The following KIAA0040 variants were observed in gnomAD, a reference collection of about 807,000 sequenced individuals.
The protein encoded by KIAA0040 is KIAA0040.
In KIAA0040, 10 loss-of-function variants were observed where a neutral mutation model predicts 7.2. The observed-to-expected ratio is 1.38, with a 90% CI of 0.85 to 2.34. KIAA0040 has a LOEUF of 2.34. KIAA0040 is among the 30% of genes most tolerant of loss of function. KIAA0040 has a pLI of 0.00. For missense variants in KIAA0040, 89 were observed against 108.2 expected (o/e 0.82, Z 0.79); for synonymous variants, 49 against 40.1 (o/e 1.22, Z -0.84).
At chr1:175,177,266 T>G (rs1013220832) in intron 2 of KIAA0040, among the ~76,000 whole-genome samples, 1 of 151,988 alleles carries the variant, frequency 6.6e-6, no homozygotes, top group Non-Finnish European at 1.5e-5. Flanking sequence ...AGTATCAGGG[T>G]CTTGAAGAAA....
At chr1:175,186,023 G>A (rs979782424) in intron 1 of KIAA0040, among the ~76,000 whole-genome samples, 1 of 152,176 alleles carries the variant, frequency 6.6e-6, no homozygotes, top group African/African-American at 2.4e-5. Context: ...TGGTTGCTGG[G>A]GACCGGGAAG....
chr1:175,162,049 G>T (rs1676563272), intron 3 of KIAA0040, among the ~76,000 whole-genome samples: 1 of 152,082 alleles, frequency 6.6e-6, no homozygotes, highest in Admixed American at 6.5e-5. Flanking sequence ...TACAGCTGGG[G>T]CCATTCTCCT....
At chr1:175,170,457 A>G (rs993346199) in intron 2 of KIAA0040, among the ~76,000 whole-genome samples, 1 of 151,986 alleles carries the variant, frequency 6.6e-6, no homozygotes, top group African/African-American at 2.4e-5. Context: ...GTATGATCAC[A>G]CCTCCTTAGC....
intron 1 of KIAA0040, among the ~76,000 whole-genome samples, chr1:175,187,935 A>G (rs530970189): frequency 2.2e-4 from 34 of 152,318 alleles, no homozygotes; most frequent in African/African-American, 7.9e-4. Flanking sequence ...TTTTCTGAAG[A>G]CTATCCAGCT....
At chr1:175,183,373 T>A (rs1677519355) in intron 1 of KIAA0040, among the ~76,000 whole-genome samples, 1 of 152,190 alleles carries the variant, frequency 6.6e-6, no homozygotes, top group Non-Finnish European at 1.5e-5. Context: ...GTGAAGAGTA[T>A]CTCTGTGAGG....
At position 175,160,788 on chromosome 1, in the gene KIAA0040, C is replaced by CCTTCTTCTTCTT. The variant is rs150137790; in HGVS notation, c.214_225dup (p.Lys72_Lys75dup). ...GCAGAGATCCAGAGGTCTTCTTCAT[C>CCTTCTTCTTCTT]CTTCTTCTTCTTCTTCTTCTTCTTC... is the stretch of plus-strand genomic sequence containing the variant. On this transcript the variant is annotated inframe_insertion, in exon 4 of 4. Coordinates refer to ENST00000423313, the MANE Select transcript of KIAA0040 (RefSeq NM_014656.3). 95 of 1,429,914 alleles carry CCTTCTTCTTCTT rather than the reference C, an allele frequency of 6.6e-5. No individual in the cohort carries two copies. The African/African-American group carries it at 1.7e-3, about 26-fold the overall frequency. The allele number at this position is 1,429,914 out of a possible 1,614,324, so 88.6% of individuals were successfully genotyped here. A position where few individuals can be genotyped will look rare whatever the true frequency, so the allele number is the denominator to read the frequency against.
In KIAA0040 at chr1:175,159,626, C is replaced by G. The variant is rs1269351127; in HGVS notation, c.*1088G>C. 6.6e-6 allele frequency: 1 copy of G among 152,258 alleles called. No individual in the cohort carries two copies. The highest frequency in any genetic ancestry group is 6.5e-5 in the Admixed American group (1 of 15,286). The allele number at this position is 152,258 out of a possible 1,614,324, so 9.4% of individuals were successfully genotyped here. On this transcript the variant is annotated 3_prime_UTR_variant, in exon 4 of 4. Coordinates refer to ENST00000423313, the MANE Select transcript of KIAA0040 (RefSeq NM_014656.3). The stretch of plus-strand genomic sequence containing the variant: ...ACATCACAACCTTATGACATCACTT[C>G]CAGTGTTGCCTTCTGTGAGACTGCA...
chr1:175,172,053 A>C (rs1421933668), intron 2 of KIAA0040, among the ~76,000 whole-genome samples: 1 of 152,168 alleles, frequency 6.6e-6, no homozygotes, highest in Admixed American at 6.5e-5. Context: ...GAAGGTCTGG[A>C]ATCTCCAGTT....
chr1:175,174,892 T>C (rs1007879499), intron 2 of KIAA0040, among the ~76,000 whole-genome samples: 6 of 152,180 alleles, frequency 3.9e-5, no homozygotes, highest in African/African-American at 1.4e-4. Context: ...TACAGTGAAC[T>C]ATCTTGGTTA....
upstream of KIAA0040, chr1:175,192,894 T>G (rs976527993): frequency 6.7e-6 from 1 of 148,260 alleles, no homozygotes; most frequent in Admixed American, 6.7e-5. Context: ...CCCTCTGTGT[T>G]CCCTGCCTTC....
chr1:175,168,005 C>T (rs1428748450), intron 2 of KIAA0040, among the ~76,000 whole-genome samples: 3 of 152,236 alleles, frequency 2.0e-5, no homozygotes, highest in African/African-American at 7.2e-5. Context: ...CCCTGCCTGT[C>T]CAAACCTTGC....
chr1:175,181,583 T>C (rs115159646), intron 1 of KIAA0040, among the ~76,000 whole-genome samples: 2,289 of 152,336 alleles, frequency 0.015, 29 homozygotes, highest in Non-Finnish European at 0.024. Flanking sequence ...ATAGACACTT[T>C]AGGAATAAAG....
intron 2 of KIAA0040, among the ~76,000 whole-genome samples, chr1:175,170,408 G>A (rs1016076095): frequency 2.0e-5 from 3 of 152,028 alleles, no homozygotes; most frequent in Admixed American, 6.5e-5. Context: ...AATGTAACGC[G>A]CACTCCCTGC....
At chr1:175,187,916 C>G (rs1677725883) in intron 1 of KIAA0040, among the ~76,000 whole-genome samples, 1 of 152,070 alleles carries the variant, frequency 6.6e-6, no homozygotes, top group Non-Finnish European at 1.5e-5. Flanking sequence ...AAAAAAAATG[C>G]TGATGGGCTT....
At chr1:175,163,444 C>T (rs918764361) in intron 3 of KIAA0040, among the ~76,000 whole-genome samples, 20 of 152,234 alleles carry the variant, frequency 1.3e-4, no homozygotes, top group African/African-American at 4.8e-4. Context: ...GTCCTCTCAT[C>T]CAAGGCTCTG....
intron 2 of KIAA0040, among the ~76,000 whole-genome samples, chr1:175,174,681 T>G (rs1364468673): frequency 4.6e-5 from 7 of 152,180 alleles, no homozygotes; most frequent in African/African-American, 1.7e-4. Context: ...GATGCAGTCC[T>G]CCACCCTCCT....
At chr1:175,190,054 A>G (rs1480361607) in intron 1 of KIAA0040, among the ~76,000 whole-genome samples, 1 of 152,116 alleles carries the variant, frequency 6.6e-6, no homozygotes, top group East Asian at 1.9e-4. Context: ...TGAAGTCAGG[A>G]CTCTCCCACA....
chr1:175,164,955 T>C (rs1296703699), intron 3 of KIAA0040, among the ~76,000 whole-genome samples: 2 of 152,230 alleles, frequency 1.3e-5, no homozygotes, highest in African/African-American at 4.8e-5. Context: ...TGAATAGCAC[T>C]GACAATGCTT....
In KIAA0040 at chr1:175,157,403, G is replaced by A. The variant is rs896930812; in HGVS notation, c.*3311C>T. The A allele has an allele frequency of 2.0e-5, 3 of 152,222 alleles. No homozygotes were observed. Among genetic ancestry groups the A allele is most frequent in the East Asian group, 1.9e-4 (1 of 5,198 alleles). The allele number at this position is 152,222 out of a possible 1,614,324, so 9.4% of individuals were successfully genotyped here. A position where few individuals can be genotyped will look rare whatever the true frequency, so the allele number is the denominator to read the frequency against. ...CTCAGACCTATGACTCTACCATGGCGAAGGCGGTGACCAGGGAGGGCTGGG... is the reference window on the plus strand; with the variant it reads ...CTCAGACCTATGACTCTACCATGGCAAAGGCGGTGACCAGGGAGGGCTGGG... On this transcript the variant is annotated 3_prime_UTR_variant, in exon 4 of 4. Coordinates refer to ENST00000423313, the MANE Select transcript of KIAA0040 (RefSeq NM_014656.3).
Sources: allele counts gnomAD v4.1 joint callset (sites outside exome capture counted in the v4.1 genomes callset), GRCh38; gene constraint gnomAD v4.1.1; transcripts MANE v1.5; gene names NCBI Gene and HGNC (gene_info 2026-07-23, HGNC 2026-07-21).